PTPRQ: variants seen among roughly 807,000 people sequenced by gnomAD.
The protein encoded by PTPRQ is protein tyrosine phosphatase receptor type Q, also known as phosphatidylinositol phosphatase PTPRQ.
Under a neutral mutation model 246.0 loss-of-function variants are expected in PTPRQ, and 199 were observed. The observed-to-expected ratio is 0.81, with a 90% confidence interval of 0.72 to 0.91. The LOEUF (loss-of-function observed/expected upper bound fraction) is 0.91, where lower values mean the gene tolerates loss of function less well. Among genes scored for constraint, PTPRQ ranks in the 40% least tolerant of loss-of-function variants. The pLI, the probability that PTPRQ is intolerant of heterozygous loss-of-function variation, is 0.00. For synonymous variants in PTPRQ, 869 were observed against 853.2 expected, an observed-to-expected ratio of 1.02 and a Z score of -0.32; for missense variants, 2,624 against 2,528.4, an observed-to-expected ratio of 1.04 and a Z score of -0.81.
chr12:80,607,229 C>T (rs1301452180), intron 27 of PTPRQ, among the ~76,000 whole-genome samples: 1 of 150,914 alleles, frequency 6.6e-6, no homozygotes, highest in African/African-American at 2.4e-5. Context: ...AATAACTTCT[C>T]ACAGAGCTAA....
chr12:80,468,706 T>G lies in PTPRQ; in HGVS notation c.911-4T>G, dbSNP rs1417044406. ...TATGTATTTATTTTCTATAATTATT[T>G]TAGTGCCTGAAGGACCACCACAAAA... On this transcript the variant is annotated splice_region_variant and splice_polypyrimidine_tract_variant and intron_variant, in intron 6 of 44. Coordinates refer to ENST00000644991, the MANE Select transcript of PTPRQ (RefSeq NM_001145026.2). 3 of 1,529,644 alleles carry G rather than the reference T, an allele frequency of 2.0e-6. No individual in the cohort carries two copies. In the East Asian group the frequency reaches 7.5e-5, roughly 38 times the overall value. The allele number at this position is 1,529,644 out of a possible 1,614,324, so 94.8% of individuals were successfully genotyped here. A position where few individuals can be genotyped will look rare whatever the true frequency, so the allele number is the denominator to read the frequency against.
intron 3 of PTPRQ, among the ~76,000 whole-genome samples, chr12:80,446,440 T>A (rs1892555677): frequency 2.0e-5 from 3 of 151,906 alleles, no homozygotes; most frequent in Non-Finnish European, 4.4e-5. Context: ...TGTCTTTTTT[T>A]TAAATTATTT....
In PTPRQ at chr12:80,626,247, A is replaced by G. The variant is rs201817450; in HGVS notation, c.5686+4113A>G. On this transcript the variant is annotated intron_variant, in intron 33 of 44. Coordinates refer to ENST00000644991, the MANE Select transcript of PTPRQ (RefSeq NM_001145026.2). ...GTGGTAATGTGGTGGTGAACCTCAC[A>G]TACTCTGTAGTCAAGACAGACGTAT... 1.6e-4 allele frequency among the ~76,000 whole-genome samples: 24 copies of G among 152,292 alleles called. No homozygotes were observed. The East Asian group carries it at 4.4e-3, about 28-fold the overall frequency.
intron 39 of PTPRQ, among the ~76,000 whole-genome samples, chr12:80,660,771 C>T (rs1900603196): frequency 6.6e-6 from 1 of 151,888 alleles, no homozygotes; most frequent in African/African-American, 2.4e-5. Context: ...GATATTGTGT[C>T]CCTGAAAAAG....
At chr12:80,653,126 A>G (rs1380503028) in intron 38 of PTPRQ, among the ~76,000 whole-genome samples, 1 of 152,174 alleles carries the variant, frequency 6.6e-6, no homozygotes, top group African/African-American at 2.4e-5. Flanking sequence ...CCTGTTTAAC[A>G]TCTTCCTACA....
chr12:80,660,987 A>G (rs1456205950), intron 39 of PTPRQ, among the ~76,000 whole-genome samples: 1 of 144,418 alleles, frequency 6.9e-6, no homozygotes, highest in Non-Finnish European at 1.5e-5. Context: ...ATAAGCATGT[A>G]TATTTCCTCT....
chr12:80,481,930 C>T (rs1325723764), intron 8 of PTPRQ, among the ~76,000 whole-genome samples: 1 of 145,174 alleles, frequency 6.9e-6, no homozygotes, highest in South Asian at 2.3e-4. Flanking sequence ...GAATCAATAT[C>T]GTGAAAATGG....
At chr12:80,473,840 T>C (rs943329009) in intron 8 of PTPRQ, among the ~76,000 whole-genome samples, 1 of 152,222 alleles carries the variant, frequency 6.6e-6, no homozygotes, top group Non-Finnish European at 1.5e-5. Context: ...ATGACTCCAT[T>C]TGCCCTCTAT....
intron 35 of PTPRQ, among the ~76,000 whole-genome samples, chr12:80,644,170 C>G (rs1346136498): frequency 6.6e-6 from 1 of 152,124 alleles, no homozygotes; most frequent in East Asian, 1.9e-4. Context: ...TAAATGCTTC[C>G]TTTCTAGATC....
chr12:80,666,093 T>G (rs1900777839), intron 39 of PTPRQ, among the ~76,000 whole-genome samples: 1 of 152,006 alleles, frequency 6.6e-6, no homozygotes, highest in South Asian at 2.1e-4. Flanking sequence ...AATCAGTATG[T>G]CAAAGGCATA....
Position 80,496,282 on chromosome 12 carries a change from A to G in PTPRQ, c.2023A>G (p.Ile675Val). 1 of 1,550,672 alleles carries G rather than the reference A, an allele frequency of 6.4e-7. No homozygotes were observed. The highest frequency in any genetic ancestry group is 1.7e-4 in the Middle Eastern group (1 of 5,980). Residue 675 changes from isoleucine (I) to valine (V), a missense_variant, in exon 14 of 45, where the codon ATT becomes GTT. Physicochemically the swap from Ile to Val is conservative, Grantham distance 29. Transcript: ENST00000644991. ...PESSPQDVEV[I>V]DVTADEIRLK... The stretch of plus-strand genomic sequence containing the variant: ...ATCATCACCTCAAGATGTCGAAGTA[A>G]TTGATGTTACCGCAGATGAAATAAG...
intron 35 of PTPRQ, among the ~76,000 whole-genome samples, chr12:80,639,179 G>C (rs968956772): frequency 1.3e-5 from 2 of 152,172 alleles, no homozygotes; most frequent in African/African-American, 4.8e-5. Context: ...CTTCCCATGA[G>C]AGTCACATCA....
intron 25 of PTPRQ, among the ~76,000 whole-genome samples, chr12:80,571,944 C>A (rs1897156801): frequency 6.6e-6 from 1 of 151,944 alleles, no homozygotes. Flanking sequence ...GTCTTGAAAT[C>A]AGTTTGTGTA....
At position 80,493,362 on chromosome 12, in the gene PTPRQ, G is replaced by T; in HGVS notation, c.1447G>T (p.Asp483Tyr). Reference sequence around the variant, plus strand: ...TGAGGGTTCAGCAGAGATGTCGTCTGACCTTCACTCACTTGCTACATTTAT... The same window carrying T: ...TGAGGGTTCAGCAGAGATGTCGTCTTACCTTCACTCACTTGCTACATTTAT... ...LYEGSAEMSS[D>Y]LHSLATFIYN... The change falls in exon 10 of 45, where the codon GAC (aspartate) becomes TAC (tyrosine). Residue 483 changes from aspartate to tyrosine, a missense_variant. Transcript: ENST00000644991. 6.5e-7 allele frequency: 1 copy of T among 1,550,168 alleles called. No individual in the cohort carries two copies. Among genetic ancestry groups the T allele is most frequent in the Non-Finnish European group, 8.7e-7 (1 of 1,145,956 alleles).
chr12:80,503,353 C>T (rs554880146), intron 14 of PTPRQ, among the ~76,000 whole-genome samples: 3 of 151,842 alleles, frequency 2.0e-5, no homozygotes, highest in African/African-American at 7.2e-5. Context: ...ATTGCTAAAT[C>T]GAACTATGCA....
At chr12:80,503,055 G>T (rs1894851184) in intron 14 of PTPRQ, among the ~76,000 whole-genome samples, 1 of 151,708 alleles carries the variant, frequency 6.6e-6, no homozygotes, top group Non-Finnish European at 1.5e-5. Context: ...ATGGAATGGG[G>T]CTTCAAAGGA....
chr12:80,496,601 T>A, intron 14 of PTPRQ, 70 bp downstream of exon 14: 1 of 1,467,502 alleles, frequency 6.8e-7, no homozygotes. Context: ...ATAATCGCCA[T>A]GTTGTTTACA....
intron 20 of PTPRQ, 33 bp downstream of exon 20, chr12:80,539,977 G>T: frequency 2.9e-6 from 4 of 1,401,932 alleles, no homozygotes; most frequent in East Asian, 5.6e-5. Context: ...TCTTTAATAT[G>T]ATTAATTTAA....
At chr12:80,475,986 C>G (rs1893798030) in intron 8 of PTPRQ, among the ~76,000 whole-genome samples, 2 of 150,964 alleles carry the variant, frequency 1.3e-5, no homozygotes, top group South Asian at 4.2e-4. Context: ...GATCATTTCA[C>G]TTATCTTTCA....
Sources: gnomAD v4.1 joint callset for allele counts (sites outside exome capture counted in the v4.1 genomes callset) on GRCh38, gnomAD v4.1.1 for gene constraint, MANE v1.5 for transcripts, NCBI Gene and HGNC (gene_info 2026-07-23, HGNC 2026-07-21) for gene names.